STAC: variants seen among roughly 807,000 people sequenced by gnomAD.
STAC encodes SH3 and cysteine-rich domain-containing protein.
Under a neutral mutation model 48.8 loss-of-function variants are expected in STAC, and 43 were observed. The ratio of observed to expected loss-of-function variants is 0.88; its 90% CI spans 0.69 to 1.14. STAC has a LOEUF of 1.14. STAC is among the 50% of genes most tolerant of loss of function. STAC has a pLI of 0.00. For missense variants in STAC, 497 were observed against 504.0 expected, an observed-to-expected ratio of 0.99 and a Z score of 0.13; for synonymous variants, 193 against 179.5, an observed-to-expected ratio of 1.07 and a Z score of -0.60.
chr3:36,415,436 C>CA (rs909276764), intron 1 of STAC, among the ~76,000 whole-genome samples: 4 of 152,184 alleles, frequency 2.6e-5, no homozygotes, highest in African/African-American at 9.7e-5. Flanking sequence ...TAGCAATGAG[C>CA]AAGGCTCCGT....
At chr3:36,414,866 T>C (rs1559482659) in intron 1 of STAC, among the ~76,000 whole-genome samples, 1 of 152,206 alleles carries the variant, frequency 6.6e-6, no homozygotes, top group Non-Finnish European at 1.5e-5. Context: ...GTCCTTTCTG[T>C]TTGTTAGTTT....
chr3:36,446,286 G>C (rs1272563954), intron 2 of STAC, among the ~76,000 whole-genome samples: 1 of 152,198 alleles, frequency 6.6e-6, no homozygotes, highest in Non-Finnish European at 1.5e-5. Flanking sequence ...GCTCAACCCA[G>C]CTCTTCATGG....
At chr3:36,398,484 GAAGA>G (rs1699922595) in intron 1 of STAC, among the ~76,000 whole-genome samples, 2 of 107,744 alleles carry the variant, frequency 1.9e-5, no homozygotes, top group African/African-American at 7.4e-5. Context: ...AGGAGGGAAG[GAAGA>G]AAGGAAGGAG....
chr3:36,495,403 A>T (rs1373042150), intron 6 of STAC, among the ~76,000 whole-genome samples: 1 of 152,232 alleles, frequency 6.6e-6, no homozygotes, highest in South Asian at 2.1e-4. Flanking sequence ...CCACACATTC[A>T]GACTGGCTCT....
At chr3:36,531,322 A>G (rs1025938384) in intron 10 of STAC, among the ~76,000 whole-genome samples, 2 of 152,224 alleles carry the variant, frequency 1.3e-5, no homozygotes, top group Non-Finnish European at 2.9e-5. Context: ...AAGAATTAGG[A>G]ACAATTGCAC....
intron 2 of STAC, among the ~76,000 whole-genome samples, chr3:36,479,364 T>G (rs1243844349): frequency 1.3e-5 from 2 of 152,242 alleles, no homozygotes; most frequent in African/African-American, 4.8e-5. Context: ...ATTAAGTTGC[T>G]TACCGTATCT....
chr3:36,407,002 C>T (rs548258699), intron 1 of STAC, among the ~76,000 whole-genome samples: 7 of 152,198 alleles, frequency 4.6e-5, no homozygotes, highest in Non-Finnish European at 1.0e-4. Context: ...GGATTAACCG[C>T]TCTAAATTCA....
At chr3:36,413,819 C>T (rs1267685987) in intron 1 of STAC, among the ~76,000 whole-genome samples, 3 of 152,136 alleles carry the variant, frequency 2.0e-5, no homozygotes, top group Non-Finnish European at 4.4e-5. Context: ...GTACCAGTTG[C>T]TCCTTTCCAT....
Position 36,513,757 on chromosome 3 carries a change from G to A in STAC, c.920+7923G>A, listed in dbSNP as rs532787849. 1.6e-3 allele frequency among the ~76,000 whole-genome samples: 238 copies of A among 152,022 alleles called. 1 individual carries two copies. In the Middle Eastern group the frequency reaches 0.024, roughly 15 times the overall value. On this transcript the variant is annotated intron_variant, in intron 8 of 10. Coordinates refer to ENST00000273183, the MANE Select transcript of STAC (RefSeq NM_003149.3). ...GATAGCAATATCTGGTACATAGTAG[G>A]ACCTTAATAATATTAATTCCAGTCA...
intron 6 of STAC, among the ~76,000 whole-genome samples, chr3:36,502,866 A>G (rs1170422012): frequency 6.6e-6 from 1 of 152,238 alleles, no homozygotes; most frequent in African/African-American, 2.4e-5. Context: ...CTTACAAACC[A>G]GAGCTCCACC....
At chr3:36,509,862 A>G (rs1317459684) in intron 8 of STAC, among the ~76,000 whole-genome samples, 1 of 152,126 alleles carries the variant, frequency 6.6e-6, no homozygotes, top group Non-Finnish European at 1.5e-5. Context: ...AAACCCTAGA[A>G]GAAAACCTAG....
intron 2 of STAC, among the ~76,000 whole-genome samples, chr3:36,480,278 A>C (rs1364861036): frequency 6.6e-6 from 1 of 152,190 alleles, no homozygotes; most frequent in Non-Finnish European, 1.5e-5. Context: ...GTTATTCTCA[A>C]AAAGGAAAAG....
chr3:36,517,598 G>C (rs560105650), intron 8 of STAC, among the ~76,000 whole-genome samples: 2 of 152,146 alleles, frequency 1.3e-5, no homozygotes, highest in African/African-American at 4.8e-5. Flanking sequence ...AGGCTGTAGT[G>C]AGCTATGAAC....
At chr3:36,543,113 G>C (rs2125505870) in intron 10 of STAC, among the ~76,000 whole-genome samples, 1 of 152,252 alleles carries the variant, frequency 6.6e-6, no homozygotes, top group African/African-American at 2.4e-5. Context: ...AGCAAACCGA[G>C]ACAAGTTGGT....
intron 2 of STAC, among the ~76,000 whole-genome samples, chr3:36,471,748 G>A (rs1697342367): frequency 6.6e-6 from 1 of 152,204 alleles, no homozygotes; most frequent in Non-Finnish European, 1.5e-5. Context: ...CCATGCTGAT[G>A]CAAGAGGTGG....
intron 1 of STAC, among the ~76,000 whole-genome samples, chr3:36,412,813 C>A (rs1486484865): frequency 6.6e-6 from 1 of 152,064 alleles, no homozygotes; most frequent in Non-Finnish European, 1.5e-5. Context: ...TATGGTTTTG[C>A]AGTATGTCTT....
At chr3:36,458,388 T>A (rs929993981) in intron 2 of STAC, among the ~76,000 whole-genome samples, 1 of 152,126 alleles carries the variant, frequency 6.6e-6, no homozygotes, top group Non-Finnish European at 1.5e-5. Flanking sequence ...ACTCCAAATA[T>A]CAAGCTCTTT....
At chr3:36,435,109 G>A (rs1257661393) in intron 1 of STAC, among the ~76,000 whole-genome samples, 2 of 152,052 alleles carry the variant, frequency 1.3e-5, no homozygotes, top group Admixed American at 6.6e-5. Flanking sequence ...TGTAAAATGA[G>A]GAAATAACCT....
intron 1 of STAC, among the ~76,000 whole-genome samples, chr3:36,386,784 T>C (rs1047834592): frequency 1.3e-5 from 2 of 152,142 alleles, no homozygotes; most frequent in Non-Finnish European, 1.5e-5. Flanking sequence ...ATGATTTTAT[T>C]TAAAAGGTCT....
Sources: allele counts gnomAD v4.1 joint callset (sites outside exome capture counted in the v4.1 genomes callset), GRCh38; gene constraint gnomAD v4.1.1; transcripts MANE v1.5; gene names NCBI Gene and HGNC (gene_info 2026-07-23, HGNC 2026-07-21).